Variants in VPS13C observed in about 807,000 individuals in gnomAD.
VPS13C encodes the protein vacuolar protein sorting 13 homolog C, also known as intermembrane lipid transfer protein VPS13C.
VPS13C carries 358 observed loss-of-function variants against 456.8 expected under a neutral mutation model. That is an observed-to-expected ratio of 0.78 (90% CI 0.72 to 0.86). The LOEUF (loss-of-function observed/expected upper bound fraction) is 0.86. Among genes scored for constraint, VPS13C ranks in the 40% least tolerant of loss-of-function variants. VPS13C has a pLI of 0.00. For missense variants in VPS13C, 4,818 were observed against 4,385.4 expected (o/e 1.10, Z -2.79); for synonymous variants, 1,578 against 1,486.7 (o/e 1.06, Z -1.41).
rs768822902 is a variant in VPS13C, at chr15:61,925,497, T to C, written c.6568A>G (p.Lys2190Glu). ...FMEKCTWASG[K>E]QNINIMVKEF... ...TTAACCATAATATTTATATTTTGCT[T>C]TCCTGAAGCCCACGTACATTTTTCC... Residue 2190 changes from lysine to glutamate, a missense_variant, in exon 53 of 85, where the codon AAG (lysine) becomes GAG (glutamate). This residue lies in a region of VPS13C where 4,552 missense variants were observed against 4,130.6 expected (regional missense o/e 1.10). Transcript: ENST00000644861. The C allele has an allele frequency of 6.2e-7, 1 of 1,604,882 alleles. No individual in the cohort carries two copies. Among genetic ancestry groups the C allele is most frequent in the Admixed American group, 1.7e-5 (1 of 58,926 alleles).
chr15:61,974,187 C>G, intron 25 of VPS13C, 101 bp downstream of exon 25: 1 of 1,188,562 alleles, frequency 8.4e-7, no homozygotes, highest in African/African-American at 1.6e-5. Flanking sequence ...CATTTCTGTA[C>G]TTTTGGTCCT....
Position 62,057,202 on chromosome 15 carries a change from C to T in VPS13C, c.100+3073G>A, listed in dbSNP as rs555054194. On this transcript the variant is annotated intron_variant, in intron 1 of 84. Coordinates refer to ENST00000644861, the MANE Select transcript of VPS13C (RefSeq NM_020821.3). ...CCTTTCTCAAGACTTGAAAATTCAA[C>T]AACAACAACAAAAAAAAAACTCTGT... Among the ~76,000 whole-genome samples, 10 of 152,070 alleles carry T rather than the reference C, an allele frequency of 6.6e-5. No individual in the cohort carries two copies. In the East Asian group the frequency reaches 1.9e-3, roughly 29 times the overall value.
chr15:62,041,545 C>T lies in VPS13C; in HGVS notation c.145-179G>A, dbSNP rs138303643. On this transcript the variant is annotated intron_variant, in intron 2 of 84. Transcript: ENST00000644861. The stretch of plus-strand genomic sequence containing the variant: ...CAAAAAACGTTTCATAGGCCTGGTG[C>T]AGTGGCTCACACCTGTAATCCCAGC... 6.4e-3 allele frequency among the ~76,000 whole-genome samples: 967 copies of T among 152,258 alleles called. 7 individuals are homozygous for T. Among genetic ancestry groups the T allele is most frequent in the African/African-American group, 0.022 (913 of 41,530 alleles).
intron 73 of VPS13C, among the ~76,000 whole-genome samples, chr15:61,879,964 GATC>G (rs1895727574): frequency 6.6e-6 from 1 of 152,020 alleles, no homozygotes; most frequent in African/African-American, 2.4e-5. Context: ...GAATGTAAAG[GATC>G]ATCAATATTT....
intron 67 of VPS13C, among the ~76,000 whole-genome samples, chr15:61,889,481 G>C (rs1280404425): frequency 6.6e-6 from 1 of 151,848 alleles, no homozygotes; most frequent in Non-Finnish European, 1.5e-5. Flanking sequence ...TCCTATCCTG[G>C]TTATATTTTG....
Position 62,029,838 on chromosome 15 carries a change from G to C in VPS13C, c.386-1418C>G, listed in dbSNP as rs140704924. ...TCCCCAGACAAATCAAACGAGTGTAGAAGTAAAACACAAAGACATTCAGCC... is the reference window on the plus strand; with the variant it reads ...TCCCCAGACAAATCAAACGAGTGTACAAGTAAAACACAAAGACATTCAGCC... On this transcript the variant is annotated intron_variant, in intron 5 of 84. Coordinates refer to ENST00000644861, the MANE Select transcript of VPS13C (RefSeq NM_020821.3). Among the ~76,000 whole-genome samples the C allele has an allele frequency of 3.3e-3, 500 of 152,140 alleles. 4 individuals carry two copies. Among genetic ancestry groups the C allele is most frequent in the Middle Eastern group, 0.01 (3 of 294 alleles).
At chr15:61,892,311 G>A (rs541563886) in intron 66 of VPS13C, among the ~76,000 whole-genome samples, 2 of 152,292 alleles carry the variant, frequency 1.3e-5, no homozygotes, top group East Asian at 3.9e-4. Flanking sequence ...CTTCTGAGGA[G>A]GAACCCTGGG....
At chr15:61,895,648 G>A (rs2042785295) in intron 66 of VPS13C, among the ~76,000 whole-genome samples, 1 of 148,584 alleles carries the variant, frequency 6.7e-6, no homozygotes, top group Admixed American at 6.6e-5. Flanking sequence ...ACGAACCCTG[G>A]AAGAAACAGA....
At position 61,903,169 on chromosome 15, in the gene VPS13C, A is replaced by G. The variant is rs956961991; in HGVS notation, c.9105+4095T>C. 5.3e-5 allele frequency among the ~76,000 whole-genome samples: 8 copies of G among 151,968 alleles called. No homozygotes were observed. In the South Asian group the frequency reaches 1.7e-3, roughly 32 times the overall value. On this transcript the variant is annotated intron_variant, in intron 66 of 84. Coordinates refer to ENST00000644861, the MANE Select transcript of VPS13C (RefSeq NM_020821.3). ...GGCGAAACTCCGTCTCTACAGAAAA[A>G]AAACAAAAACAAAAACAAAAACGCT... is the stretch of plus-strand genomic sequence containing the variant.
intron 75 of VPS13C, among the ~76,000 whole-genome samples, chr15:61,876,306 GT>G (rs1278124604): frequency 6.6e-6 from 1 of 151,890 alleles, no homozygotes; most frequent in Non-Finnish European, 1.5e-5. Context: ...AAGTTACACT[GT>G]CCTTGCATGG....
In VPS13C at chr15:61,915,801, TCTC is replaced by T. The variant is rs1276580935; in HGVS notation, c.8274_8276del (p.Arg2759del). ...CAGACAGCACCATCCGGCTGCCAAT[TCTC>T]CTGACGTGGACTGACAGGTCGACTG... On this transcript the variant is annotated inframe_deletion, in exon 61 of 85. Coordinates refer to ENST00000644861, the MANE Select transcript of VPS13C (RefSeq NM_020821.3). 3 of 1,613,826 alleles carry T rather than the reference TCTC, an allele frequency of 1.9e-6. No individual in the cohort carries two copies. The highest frequency in any genetic ancestry group is 2.2e-5 in the East Asian group (1 of 44,852).
chr15:61,964,891 T>C, intron 30 of VPS13C, 30 bp from the exon 31 acceptor site: 1 of 1,585,948 alleles, frequency 6.3e-7, no homozygotes, highest in Non-Finnish European at 8.6e-7. Context: ...AAAATTAGTT[T>C]TCCACAGCCA....
chr15:61,942,783 A>T (rs2044472546), intron 45 of VPS13C, among the ~76,000 whole-genome samples: 1 of 152,090 alleles, frequency 6.6e-6, no homozygotes, highest in Non-Finnish European at 1.5e-5. Flanking sequence ...CCTCCAAGTT[A>T]ATTGCTCTCT....
intron 14 of VPS13C, among the ~76,000 whole-genome samples, chr15:62,007,989 C>T (rs2046909601): frequency 6.6e-6 from 1 of 152,000 alleles, no homozygotes; most frequent in South Asian, 2.1e-4. Flanking sequence ...GCCTGTAATC[C>T]CAGCACTTTG....
Position 61,950,991 on chromosome 15 carries a change from G to C in VPS13C, c.4490C>G (p.Ser1497Cys). Reference protein sequence around the residue: ...SKGEPLHIINSSNVTDEPLLK... With the variant: ...SKGEPLHIINCSNVTDEPLLK... ...AAGGGGTTCGTCAGTCACATTAGAA[G>C]AGTTAATAATGTGAAGAGGTTCCCC... The change falls in exon 40 of 85, where the codon TCT becomes TGT. Residue 1497 changes from serine (S) to cysteine (C), a missense_variant. By Grantham distance (112) the Ser-to-Cys change is moderately radical. This residue lies in a region of VPS13C where 4,552 missense variants were observed against 4,130.6 expected (regional missense o/e 1.10). Transcript: ENST00000644861. 1 of 1,604,408 alleles carries C rather than the reference G, an allele frequency of 6.2e-7. No homozygotes were observed. The highest frequency in any genetic ancestry group is 8.5e-7 in the Non-Finnish European group (1 of 1,175,866).
chr15:61,925,925 A>T (rs2043831957), intron 52 of VPS13C, among the ~76,000 whole-genome samples: 1 of 152,238 alleles, frequency 6.6e-6, no homozygotes, highest in South Asian at 2.1e-4. Flanking sequence ...GTAGGTAAGT[A>T]AACAGTTTCC....
intron 1 of VPS13C, among the ~76,000 whole-genome samples, chr15:62,048,145 T>C (rs979140581): frequency 2.0e-5 from 3 of 151,640 alleles, no homozygotes; most frequent in Admixed American, 6.6e-5. Flanking sequence ...AGGGTACATG[T>C]GCACAATGTG....
intron 1 of VPS13C, 81 bp from the exon 2 acceptor site, chr15:62,044,336 A>G: frequency 1.2e-6 from 1 of 842,600 alleles, no homozygotes; most frequent in Non-Finnish European, 1.8e-6. Flanking sequence ...CCAAGCACTA[A>G]GAAACTGGGC....
chr15:61,945,788 A>G lies in VPS13C; in HGVS notation c.5075T>C (p.Val1692Ala). 1 of 1,613,478 alleles carries G rather than the reference A, an allele frequency of 6.2e-7. No individual in the cohort carries two copies. Among genetic ancestry groups the G allele is most frequent in the East Asian group, 2.2e-5 (1 of 44,798 alleles). ...EGEAYADMSK[V>A]DGKLSFKVGC... ...CACTTTAAAACTAAGTTTGCCGTCTACTTTGGACATATCAGCATAGGCCTC... is the reference window on the plus strand; with the variant it reads ...CACTTTAAAACTAAGTTTGCCGTCTGCTTTGGACATATCAGCATAGGCCTC... Residue 1692 changes from valine to alanine, a missense_variant, in exon 45 of 85, where the codon GTA becomes GCA. Physicochemically the swap from Val to Ala is moderately conservative, Grantham distance 64 (BLOSUM62 0). Around this residue, in one of 3 missense-constraint regions of VPS13C, gnomAD observed 4,552 missense variants for 4,130.6 expected, o/e 1.10. Transcript: ENST00000644861.
Sources: allele counts gnomAD v4.1 joint callset (sites outside exome capture counted in the v4.1 genomes callset), GRCh38; gene constraint gnomAD v4.1.1; regional missense constraint gnomAD v4.1.1; transcripts MANE v1.5; gene names NCBI Gene and HGNC (gene_info 2026-07-23, HGNC 2026-07-21).